The following MYEF2 variants were observed in gnomAD, a reference collection of about 807,000 sequenced individuals.
The protein encoded by MYEF2 is myelin expression factor 2.
Under a neutral mutation model 75.2 loss-of-function variants are expected in MYEF2, and 37 were observed. That is an observed-to-expected ratio of 0.49 (90% CI 0.38 to 0.65). The LOEUF is 0.65. Ranked by LOEUF, MYEF2 falls within the 30% of genes least tolerant of loss-of-function variation. The probability of loss-of-function intolerance (pLI) is 0.00; values close to 1 mark genes in which losing one functional copy is unlikely to be tolerated. For synonymous variants in MYEF2, 195 were observed against 241.6 expected, an observed-to-expected ratio of 0.81 and a Z score of 1.79; for missense variants, 634 against 771.4, an observed-to-expected ratio of 0.82 and a Z score of 2.11.
intron 2 of MYEF2, 99 bp downstream of exon 2, chr15:48,168,532 T>C: frequency 1.1e-6 from 1 of 888,588 alleles, no homozygotes; most frequent in South Asian, 1.7e-5. Flanking sequence ...AATCAATTTT[T>C]TGAGTCTGTG....
intron 12 of MYEF2, 129 bp downstream of exon 12, chr15:48,151,745 C>T (rs2039499531): frequency 8.3e-7 from 1 of 1,204,394 alleles, no homozygotes; most frequent in Admixed American, 1.8e-5. Flanking sequence ...CCAGGCCTGT[C>T]CTTATCCCCT....
chr15:48,146,463 C>T (rs1415779684), intron 16 of MYEF2, among the ~76,000 whole-genome samples: 3 of 151,828 alleles, frequency 2.0e-5, no homozygotes, highest in Non-Finnish European at 4.4e-5. Context: ...GATCTGAAAA[C>T]AATCTTTTCT....
intron 5 of MYEF2, among the ~76,000 whole-genome samples, 180 bp from the exon 6 acceptor site, chr15:48,159,984 A>G (rs1284088653): frequency 2.0e-5 from 3 of 152,156 alleles, no homozygotes; most frequent in Non-Finnish European, 2.9e-5. Context: ...GATAAACAAA[A>G]TATTTCAGCC....
intron 16 of MYEF2, among the ~76,000 whole-genome samples, chr15:48,144,604 G>GA (rs763880469): frequency 6.6e-6 from 1 of 151,602 alleles, no homozygotes; most frequent in Admixed American, 6.6e-5. Flanking sequence ...ATGAAATGGG[G>GA]AAAAAAAGCA....
chr15:48,165,219 C>G (rs755750872), intron 5 of MYEF2, among the ~76,000 whole-genome samples: 3 of 152,146 alleles, frequency 2.0e-5, no homozygotes, highest in Non-Finnish European at 4.4e-5. Context: ...TTAACACAGA[C>G]TTTAGCAAGT....
At chr15:48,168,279 A>G (rs1035043776) in intron 2 of MYEF2, among the ~76,000 whole-genome samples, 3 of 152,082 alleles carry the variant, frequency 2.0e-5, no homozygotes, top group Non-Finnish European at 4.4e-5. Flanking sequence ...AAATAATCAG[A>G]CCTTATTATT....
intron 16 of MYEF2, 93 bp from the exon 17 acceptor site, chr15:48,143,164 T>TTGGC: frequency 1.4e-6 from 1 of 697,338 alleles, no homozygotes; most frequent in Non-Finnish European, 2.1e-6. Flanking sequence ...ATTGTGATAA[T>TTGGC]TAATTTGATT....
At position 48,135,180 on chromosome 15, in the gene MYEF2, ACTTCACAGTCTCCTTTTTTCTCTC is replaced by A; in HGVS notation, c.*7704_*7727del. On this transcript the variant is annotated 3_prime_UTR_variant, in exon 17 of 17. Coordinates refer to ENST00000324324, the MANE Select transcript of MYEF2 (RefSeq NM_016132.5). Reference sequence around the variant, plus strand: ...ACTAGTTTGCAATTTCTTCTTAATCACTTCACAGTCTCCTTTTTTCTCTCACTAGTCACTGGAGACCACCACTTT... The same window carrying A: ...ACTAGTTTGCAATTTCTTCTTAATCAACTAGTCACTGGAGACCACCACTTT... 2 of 455,602 alleles carry A rather than the reference ACTTCACAGTCTCCTTTTTTCTCTC, an allele frequency of 4.4e-6. No homozygotes were observed. Among genetic ancestry groups the A allele is most frequent in the Non-Finnish European group, 7.9e-6 (2 of 251,944 alleles). The allele number at this position is 455,602 out of a possible 1,614,324, so 28.2% of individuals were successfully genotyped here. A position where few individuals can be genotyped will look rare whatever the true frequency, so the allele number is the denominator to read the frequency against.
At chr15:48,151,690 A>G (rs1303511993) in intron 12 of MYEF2, 119 bp from the exon 13 acceptor site, 3 of 1,151,772 alleles carry the variant, frequency 2.6e-6, no homozygotes, top group Non-Finnish European at 3.8e-6. Flanking sequence ...ATAGTCTGTC[A>G]TTTACCCAAT....
chr15:48,143,192 AAAAT>A (rs1483491298), intron 16 of MYEF2, 121 bp from the exon 17 acceptor site: 4 of 521,974 alleles, frequency 7.7e-6, no homozygotes, highest in Non-Finnish European at 8.9e-6. Context: ...TTAATTATTT[AAAAT>A]AAATAATATA....
intron 11 of MYEF2, 97 bp downstream of exon 11, chr15:48,152,137 T>A: frequency 1.5e-6 from 2 of 1,318,620 alleles, no homozygotes. Context: ...GAGCCAACAA[T>A]AAACCATGAC....
intron 7 of MYEF2, among the ~76,000 whole-genome samples, 173 bp downstream of exon 7, chr15:48,158,596 T>C (rs2039801098): frequency 6.6e-6 from 1 of 152,134 alleles, no homozygotes; most frequent in African/African-American, 2.4e-5. Context: ...CAATTCAAGT[T>C]TTAAGAGTGA....
intron 9 of MYEF2, 65 bp from the exon 10 acceptor site, chr15:48,153,958 T>A (rs2039589967): frequency 2.1e-6 from 3 of 1,417,724 alleles, no homozygotes; most frequent in Admixed American, 4.2e-5. Flanking sequence ...GGCAATAAAA[T>A]TTTTTAAAAA....
chr15:48,168,896 G>A, intron 1 of MYEF2, 57 bp from the exon 2 acceptor site: 1 of 1,313,112 alleles, frequency 7.6e-7, no homozygotes, highest in East Asian at 2.4e-5. Flanking sequence ...TATAAGAATG[G>A]AAGTCTATAT....
At chr15:48,164,472 G>C (rs1324196575) in intron 5 of MYEF2, among the ~76,000 whole-genome samples, 1 of 152,180 alleles carries the variant, frequency 6.6e-6, no homozygotes, top group Non-Finnish European at 1.5e-5. Flanking sequence ...TATGTACACT[G>C]TTGAAATGAC....
rs372821159 is a variant in MYEF2, at chr15:48,167,365, G to A, written c.407C>T (p.Ala136Val). The A allele has an allele frequency of 3.7e-6, 6 of 1,612,806 alleles. No individual in the cohort carries two copies. The highest frequency in any genetic ancestry group is 1.7e-4 in the Middle Eastern group (1 of 6,054). ...EVTYVELFKD[A>V]EGKSRGCGVV... ...AGCACTTACCCTTGATTTTCCTTCC[G>A]CATCCTTAAAGAGCTCCACGTATGT... Residue 136 changes from alanine (A) to valine (V), a missense_variant, in exon 3 of 17, where the codon GCG becomes GTG. By Grantham distance (64) the Ala-to-Val change is moderately conservative. Transcript: ENST00000324324.
chr15:48,166,412 C>T (rs1389497934), intron 3 of MYEF2, among the ~76,000 whole-genome samples: 2 of 151,874 alleles, frequency 1.3e-5, no homozygotes, highest in Admixed American at 6.6e-5. Context: ...AATGTCACTG[C>T]ACAAATTAAA....
chr15:48,169,391 T>C (rs2140925770), intron 1 of MYEF2, among the ~76,000 whole-genome samples: 1 of 152,272 alleles, frequency 6.6e-6, no homozygotes, highest in East Asian at 1.9e-4. Flanking sequence ...TATACTCACA[T>C]TAAGACTCTC....
chr15:48,176,628 A>G (rs2040531746), intron 1 of MYEF2, among the ~76,000 whole-genome samples: 1 of 152,208 alleles, frequency 6.6e-6, no homozygotes, highest in Non-Finnish European at 1.5e-5. Flanking sequence ...TCTCTCTGTA[A>G]TTCAAGGCTG....
Sources: gnomAD v4.1 joint callset for allele counts (sites outside exome capture counted in the v4.1 genomes callset) on GRCh38, gnomAD v4.1.1 for gene constraint, MANE v1.5 for transcripts, NCBI Gene and HGNC (gene_info 2026-07-23, HGNC 2026-07-21) for gene names.